ALMS1: variants seen among roughly 807,000 people sequenced by gnomAD.
ALMS1 encodes the protein centrosome-associated protein ALMS1.
ALMS1 carries 271 observed loss-of-function variants against 352.2 expected under a neutral mutation model. That is an observed-to-expected ratio of 0.77 (90% CI 0.70 to 0.85). ALMS1 has a LOEUF of 0.85. ALMS1 is among the 40% of genes least tolerant of loss of function. The pLI, the probability that ALMS1 is intolerant of heterozygous loss-of-function variation, is 0.00. For missense variants in ALMS1, 5,445 were observed against 4,870.7 expected, an observed-to-expected ratio of 1.12 and a Z score of -3.51; for synonymous variants, 1,865 against 1,761.2, an observed-to-expected ratio of 1.06 and a Z score of -1.48.
intron 1 of ALMS1, among the ~76,000 whole-genome samples, chr2:73,396,574 A>G (rs1670765761): frequency 1.8e-5 from 1 of 56,658 alleles, no homozygotes; most frequent in Non-Finnish European, 3.2e-5. Flanking sequence ...TTTTTTTTGC[A>G]GGATGGGGCA....
At chr2:73,541,692 A>C (rs1674186349) in intron 12 of ALMS1, among the ~76,000 whole-genome samples, 1 of 152,228 alleles carries the variant, frequency 6.6e-6, no homozygotes, top group Non-Finnish European at 1.5e-5. Context: ...GGATATCACC[A>C]CCGATCCCAC....
At chr2:73,568,253 A>C (rs1261472886) in intron 15 of ALMS1, among the ~76,000 whole-genome samples, 2 of 152,330 alleles carry the variant, frequency 1.3e-5, no homozygotes, top group East Asian at 3.9e-4. Context: ...TTATAAGACT[A>C]TTATTAGAAG....
intron 9 of ALMS1, among the ~76,000 whole-genome samples, chr2:73,466,982 C>T (rs1254228603): frequency 1.3e-5 from 2 of 152,118 alleles, no homozygotes; most frequent in Non-Finnish European, 2.9e-5. Context: ...ACCCTGTCCC[C>T]TACATCATAC....
intron 9 of ALMS1, among the ~76,000 whole-genome samples, chr2:73,485,985 G>T (rs543300397): frequency 2.8e-4 from 42 of 151,936 alleles, no homozygotes; most frequent in Non-Finnish European, 4.9e-4. Flanking sequence ...GCACTCCCTA[G>T]TTAGATGAAC....
chr2:73,483,491 A>C lies in ALMS1; in HGVS notation c.7675-6143A>C, dbSNP rs1056615790. Among the ~76,000 whole-genome samples, 252 of 151,948 alleles carry C rather than the reference A, an allele frequency of 1.7e-3. 6 individuals are homozygous for C. Among genetic ancestry groups the C allele is most frequent in the African/African-American group, 5.9e-3 (242 of 41,320 alleles). On this transcript the variant is annotated intron_variant, in intron 9 of 22. Transcript: ENST00000613296. ...ATTTGTTGAGGAGAGCTTTAGTTCCAAGTATGTGGTCAATTTTGGAATAGG... is the reference window on the plus strand; with the variant it reads ...ATTTGTTGAGGAGAGCTTTAGTTCCCAGTATGTGGTCAATTTTGGAATAGG...
At chr2:73,439,351 A>G (rs1671670316) in intron 7 of ALMS1, among the ~76,000 whole-genome samples, 1 of 151,676 alleles carries the variant, frequency 6.6e-6, no homozygotes, top group South Asian at 2.1e-4. Context: ...CTGGCCTTTC[A>G]AAGCCTGATC....
rs116854981 is a variant in ALMS1, at chr2:73,490,878, G to A, written c.8919G>A (p.Ala2973=). 656 of 1,613,970 alleles carry A rather than the reference G, an allele frequency of 4.1e-4. 3 individuals carry two copies. The East Asian group carries it at 0.011, about 28-fold the overall frequency. The change falls in exon 10 of 23, where the codon GCG becomes GCA. Residue 2973 remains alanine (A), a synonymous_variant. Transcript: ENST00000613296. ...PISLEQCQSK[A]PGVDDQMNKH... is the part of the protein sequence containing the mutation. Reference sequence around the variant, plus strand: ...CTCTTGAACAATGCCAAAGCAAAGCGCCAGGTGTAGATGACCAAATGAATA... The same window carrying A: ...CTCTTGAACAATGCCAAAGCAAAGCACCAGGTGTAGATGACCAAATGAATA...
intron 12 of ALMS1, among the ~76,000 whole-genome samples, chr2:73,535,300 A>G (rs993047015): frequency 6.6e-6 from 1 of 152,184 alleles, no homozygotes; most frequent in East Asian, 1.9e-4. Context: ...AATAGCAACT[A>G]AGGAATTAGA....
At chr2:73,594,659 C>T (rs1452758311) in intron 16 of ALMS1, among the ~76,000 whole-genome samples, 1 of 152,220 alleles carries the variant, frequency 6.6e-6, no homozygotes, top group East Asian at 1.9e-4. Context: ...CTTCAGTTAT[C>T]AAAGGCTTTA....
chr2:73,579,846 A>C (rs572323597), intron 16 of ALMS1, among the ~76,000 whole-genome samples: 1 of 152,162 alleles, frequency 6.6e-6, no homozygotes, highest in Admixed American at 6.5e-5. Flanking sequence ...AACATGTCTC[A>C]GTGTGGCTCT....
At chr2:73,486,310 C>CT (rs1029009818) in intron 9 of ALMS1, among the ~76,000 whole-genome samples, 57 of 152,262 alleles carry the variant, frequency 3.7e-4, no homozygotes, top group African/African-American at 1.3e-3. Context: ...CTTCGCTAGA[C>CT]TTTCACTGAC....
At chr2:73,565,900 G>C (rs1305322755) in intron 15 of ALMS1, among the ~76,000 whole-genome samples, 1 of 152,154 alleles carries the variant, frequency 6.6e-6, no homozygotes, top group Non-Finnish European at 1.5e-5. Context: ...CCTAAGAGAA[G>C]CCTAAGGAGA....
At chr2:73,530,356 C>A (rs1166652698) in intron 11 of ALMS1, among the ~76,000 whole-genome samples, 1 of 152,214 alleles carries the variant, frequency 6.6e-6, no homozygotes, top group Non-Finnish European at 1.5e-5. Context: ...AAGTTGAAAA[C>A]CTGGCTGGGC....
At position 73,424,876 on chromosome 2, in the gene ALMS1, C is replaced by T; in HGVS notation, c.1211C>T (p.Ser404Phe). 6.2e-7 allele frequency: 1 copy of T among 1,603,670 alleles called. No individual in the cohort carries two copies. Among genetic ancestry groups the T allele is most frequent in the Non-Finnish European group, 8.5e-7 (1 of 1,174,332 alleles). ...YGQYWTQEDS[S>F]KQAETYLTKG... is the part of the protein sequence containing the mutation. ...CAGTATTGGACACAGGAAGATTCAT[C>T]TAAGCAGGCAGAAACATATTTAACC... The change falls in exon 5 of 23, where the codon TCT becomes TTT. Residue 404 changes from serine to phenylalanine, a missense_variant. Physicochemically the swap from Ser to Phe is radical, Grantham distance 155. Coordinates refer to ENST00000613296, the MANE Select transcript of ALMS1 (RefSeq NM_001378454.1).
rs1473358206 is a variant in ALMS1 at position 73,449,240 on chromosome 2, T to A, written c.2713T>A (p.Ser905Thr). ...DQKTGIPSAP[S>T]SFYSHREKPI... ...GAAGACTGGGATACCCTCAGCACCATCTAGTTTCTACTCACACAGAGAGAA... is the reference window on the plus strand; with the variant it reads ...GAAGACTGGGATACCCTCAGCACCAACTAGTTTCTACTCACACAGAGAGAA... Residue 905 changes from serine (S) to threonine (T), a missense_variant, in exon 8 of 23, where the codon TCT becomes ACT. Ser to Thr is a moderately conservative substitution (Grantham distance 58, BLOSUM62 1). Transcript: ENST00000613296. 5 of 1,613,976 alleles carry A rather than the reference T, an allele frequency of 3.1e-6. No homozygotes were observed. Among genetic ancestry groups the A allele is most frequent in the Non-Finnish European group, 4.2e-6 (5 of 1,179,986 alleles).
At chr2:73,602,164 T>G in intron 19 of ALMS1, 21 bp from the exon 20 acceptor site, 1 of 1,609,284 alleles carries the variant, frequency 6.2e-7, no homozygotes, top group Non-Finnish European at 8.5e-7. Context: ...CTGGGCATTT[T>G]CTCTTTTTTT....
Position 73,604,921 on chromosome 2 carries a change from C to T in ALMS1, c.12362+1617C>T, listed in dbSNP as rs192985159. ...AGGCATTGTATCCTGCACAGCCTCC[C>T]GCCAGGAGTGTGATGGAAGAACAAG... On this transcript the variant is annotated intron_variant, in intron 21 of 22. Transcript: ENST00000613296. Among the ~76,000 whole-genome samples, 1,046 of 152,262 alleles carry T rather than the reference C, an allele frequency of 6.9e-3. 8 individuals are homozygous for T. The highest frequency in any genetic ancestry group is 8.0e-3 in the Non-Finnish European group (547 of 68,016).
chr2:73,559,232 A>G (rs1473852013), intron 15 of ALMS1, 90 bp downstream of exon 15: 8 of 1,489,574 alleles, frequency 5.4e-6, no homozygotes, highest in African/African-American at 2.8e-5. Flanking sequence ...TGATGAGAAT[A>G]TAGCCTCATG....
At position 73,450,337 on chromosome 2, in the gene ALMS1, A is replaced by G. The variant is rs763338832; in HGVS notation, c.3810A>G (p.Glu1270=). The change falls in exon 8 of 23, where the codon GAA becomes GAG. Residue 1270 remains glutamate, a synonymous_variant. Coordinates refer to ENST00000613296, the MANE Select transcript of ALMS1 (RefSeq NM_001378454.1). ...EEALKISVAS[E]PVDQTTGTPA... ...CTCTGAAAATTTCAGTTGCCTCTGA[A>G]CCAGTTGACCAGACAACTGGCACAC... The G allele has an allele frequency of 6.2e-7, 1 of 1,612,510 alleles. No homozygotes were observed. Among genetic ancestry groups the G allele is most frequent in the South Asian group, 1.1e-5 (1 of 91,012 alleles).
Sources: gnomAD v4.1 joint callset for allele counts (sites outside exome capture counted in the v4.1 genomes callset) on GRCh38, gnomAD v4.1.1 for gene constraint, MANE v1.5 for transcripts, NCBI Gene and HGNC (gene_info 2026-07-23, HGNC 2026-07-21) for gene names.